Variants in MGAT4C observed in about 807,000 individuals in gnomAD.
The protein encoded by MGAT4C is MGAT4 family member C.
A neutral mutation model predicts 40.1 loss-of-function variants in MGAT4C; 19 were observed. That is an observed-to-expected ratio of 0.47 (90% CI 0.33 to 0.70). MGAT4C has a LOEUF of 0.70. Ranked by LOEUF, MGAT4C falls within the 30% of genes least tolerant of loss-of-function variation. The pLI is 0.02. For synonymous variants in MGAT4C, 181 were observed against 187.1 expected (o/e 0.97, Z 0.27); for missense variants, 491 against 563.2 (o/e 0.87, Z 1.30).
At chr12:86,829,767 G>C (rs1952883079) in intron 1 of MGAT4C, among the ~76,000 whole-genome samples, 1 of 150,222 alleles carries the variant, frequency 6.7e-6, no homozygotes, top group Admixed American at 6.7e-5. Context: ...TTTCTTTTCT[G>C]ACTTGTCTCT....
chr12:86,397,700 C>T (rs1956285716), intron 3 of MGAT4C, among the ~76,000 whole-genome samples: 1 of 152,130 alleles, frequency 6.6e-6, no homozygotes, highest in South Asian at 2.1e-4. Context: ...TTGGCTCACA[C>T]CTGTAATCCC....
At chr12:86,137,273 A>C (rs1417208100) in intron 1 of MGAT4C, among the ~76,000 whole-genome samples, 1 of 152,228 alleles carries the variant, frequency 6.6e-6, no homozygotes, top group African/African-American at 2.4e-5. Flanking sequence ...TGCATCTTAA[A>C]TATTTCATAA....
At chr12:86,509,615 G>A (rs906494355) in intron 2 of MGAT4C, among the ~76,000 whole-genome samples, 3 of 152,158 alleles carry the variant, frequency 2.0e-5, no homozygotes, top group African/African-American at 7.2e-5. Flanking sequence ...TTGGTAGCTT[G>A]ATGGGGATGG....
At chr12:86,081,143 T>C (rs1502799) in intron 1 of MGAT4C, among the ~76,000 whole-genome samples, 86,687 of 151,942 alleles carry the variant, frequency 0.57, 25,582 homozygotes, top group East Asian at 0.92. Context: ...ACAAACATGG[T>C]TATTGTGGAT....
At chr12:86,798,524 C>A (rs1291793410) in intron 1 of MGAT4C, among the ~76,000 whole-genome samples, 2 of 151,862 alleles carry the variant, frequency 1.3e-5, no homozygotes, top group Non-Finnish European at 2.9e-5. Context: ...TATTTTATAA[C>A]AATCTGATTA....
chr12:86,416,840 G>A (rs537334171), intron 3 of MGAT4C, among the ~76,000 whole-genome samples: 9 of 152,170 alleles, frequency 5.9e-5, no homozygotes, highest in African/African-American at 1.9e-4. Flanking sequence ...TGGCATTAGG[G>A]TCTTCATTGC....
At chr12:86,271,405 G>T (rs988425400) in intron 4 of MGAT4C, among the ~76,000 whole-genome samples, 1 of 152,084 alleles carries the variant, frequency 6.6e-6, no homozygotes, top group Non-Finnish European at 1.5e-5. Flanking sequence ...ATGGCCACAG[G>T]TGTATAAAAA....
At chr12:86,099,831 T>A (rs192721100) in intron 1 of MGAT4C, among the ~76,000 whole-genome samples, 8 of 151,638 alleles carry the variant, frequency 5.3e-5, no homozygotes, top group Admixed American at 5.3e-4. Flanking sequence ...TTTTCATGAA[T>A]ATTTTATGAT....
intron 3 of MGAT4C, among the ~76,000 whole-genome samples, chr12:86,422,295 GC>G (rs1956842541): frequency 6.6e-6 from 1 of 152,096 alleles, no homozygotes; most frequent in Non-Finnish European, 1.5e-5. Context: ...CAGATATATA[GC>G]CGCTGTTCAA....
chr12:85,969,302 T>C lies in MGAT4C; in HGVS notation c.*9987A>G, dbSNP rs1310000433. The C allele has an allele frequency of 6.6e-6, 1 of 151,734 alleles. No homozygotes were observed. Among genetic ancestry groups the C allele is most frequent in the Non-Finnish European group, 1.5e-5 (1 of 67,734 alleles). 9.4% of individuals were successfully genotyped at this position (151,734 alleles called of 1,614,324 possible). On this transcript the variant is annotated 3_prime_UTR_variant, in exon 5 of 5. Transcript: ENST00000611864. The stretch of plus-strand genomic sequence containing the variant: ...ACACAACTTTGGGGTTTACTGATGT[T>C]TTCCAACATCCGAAATAATAGCTGA...
chr12:86,585,139 C>T lies in MGAT4C; in HGVS notation c.-229+142070G>A, dbSNP rs942787097. Among the ~76,000 whole-genome samples the T allele has an allele frequency of 5.3e-5, 8 of 151,364 alleles. No homozygotes were observed. In the South Asian group the frequency reaches 1.2e-3, roughly 24 times the overall value. On this transcript the variant is annotated intron_variant, in intron 2 of 7. Coordinates refer to the MGAT4C transcript ENST00000548651. ...ATGTAATTTGTACTGTACCTATATT[C>T]CTTTATGTTATACTTAAATATTATA...
At chr12:86,714,230 GT>G (rs1159941047) in intron 2 of MGAT4C, among the ~76,000 whole-genome samples, 1 of 152,010 alleles carries the variant, frequency 6.6e-6, no homozygotes, top group Non-Finnish European at 1.5e-5. Flanking sequence ...TCACTTTTTT[GT>G]TGGCTTAAGT....
chr12:86,017,819 C>T (rs1407179086), intron 2 of MGAT4C, among the ~76,000 whole-genome samples: 1 of 152,080 alleles, frequency 6.6e-6, no homozygotes, highest in Admixed American at 6.6e-5. Context: ...CATTGGAACA[C>T]AATGAATCTC....
At chr12:86,212,155 G>C (rs538082161) in intron 1 of MGAT4C, among the ~76,000 whole-genome samples, 3 of 152,024 alleles carry the variant, frequency 2.0e-5, no homozygotes, top group Non-Finnish European at 4.4e-5. Flanking sequence ...TACCCATCTC[G>C]TTTGCATATC....
intron 2 of MGAT4C, among the ~76,000 whole-genome samples, chr12:86,015,441 T>A (rs1888993718): frequency 6.6e-6 from 1 of 152,092 alleles, no homozygotes; most frequent in African/African-American, 2.4e-5. Flanking sequence ...TGAGTGAGCA[T>A]CTCCCATCTT....
chr12:86,486,367 A>C, intron 2 of MGAT4C, among the ~76,000 whole-genome samples: 1 of 136,938 alleles, frequency 7.3e-6, no homozygotes, highest in Non-Finnish European at 1.6e-5. Context: ...ACAGAGAAAG[A>C]TCTATCATGC....
intron 1 of MGAT4C, among the ~76,000 whole-genome samples, chr12:86,248,268 T>A (rs902643433): frequency 6.6e-6 from 1 of 151,064 alleles, no homozygotes; most frequent in African/African-American, 2.4e-5. Context: ...CAGCCAGACA[T>A]TCATTCAGCA....
At chr12:86,115,600 T>A (rs1364251786) in intron 1 of MGAT4C, among the ~76,000 whole-genome samples, 1 of 152,098 alleles carries the variant, frequency 6.6e-6, no homozygotes, top group Admixed American at 6.6e-5. Context: ...TCACTATAAA[T>A]AATGGTCCCA....
At chr12:86,136,268 A>C (rs1394950994) in intron 1 of MGAT4C, among the ~76,000 whole-genome samples, 1 of 152,200 alleles carries the variant, frequency 6.6e-6, no homozygotes. Flanking sequence ...AAACAAAATG[A>C]AACAAAATAA....
Sources: gnomAD v4.1 joint callset for allele counts (sites outside exome capture counted in the v4.1 genomes callset) on GRCh38, gnomAD v4.1.1 for gene constraint, MANE v1.5 for transcripts, NCBI Gene and HGNC (gene_info 2026-07-23, HGNC 2026-07-21) for gene names.